RAB37: variants seen among roughly 807,000 people sequenced by gnomAD.
RAB37 encodes ras-related protein Rab-37.
In RAB37, 29 loss-of-function variants were observed where a neutral mutation model predicts 33.1. The observed-to-expected ratio is 0.88, with a 90% CI of 0.65 to 1.20. The LOEUF (loss-of-function observed/expected upper bound fraction) is 1.20. Ranked by LOEUF, RAB37 falls within the 50% of genes most tolerant of loss-of-function variation. The probability of loss-of-function intolerance (pLI) is 0.00; values close to 1 mark genes in which losing one functional copy is unlikely to be tolerated. For missense variants in RAB37, 299 were observed against 301.1 expected (o/e 0.99, Z 0.05); for synonymous variants, 128 against 119.5 (o/e 1.07, Z -0.47).
chr17:74,698,842 T>A (rs555130289), intron 1 of RAB37, among the ~76,000 whole-genome samples: 1 of 152,310 alleles, frequency 6.6e-6, no homozygotes, highest in Non-Finnish European at 1.5e-5. Flanking sequence ...AACAAATCTG[T>A]ACGTGTACCC....
intron 1 of RAB37, among the ~76,000 whole-genome samples, chr17:74,675,967 A>G (rs1598176077): frequency 6.6e-6 from 1 of 152,240 alleles, no homozygotes; most frequent in South Asian, 2.1e-4. Context: ...GTGCAGCTAA[A>G]TAATTTAAAA....
intron 1 of RAB37, among the ~76,000 whole-genome samples, chr17:74,711,906 CTT>C (rs71361629): frequency 0.065 from 7,965 of 123,168 alleles, 152 homozygotes; most frequent in East Asian, 0.15. Flanking sequence ...TTTCTTTTTT[CTT>C]TTTTTTTTTT....
chr17:74,746,894 TA>T lies in RAB37; in HGVS notation c.*1487del, dbSNP rs1167660011. The T allele has an allele frequency of 6.6e-6, 1 of 151,982 alleles. No individual in the cohort carries two copies. The highest frequency in any genetic ancestry group is 1.9e-4 in the East Asian group (1 of 5,180). The allele number at this position is 151,982 out of a possible 1,614,324, so 9.4% of individuals were successfully genotyped here. A position where few individuals can be genotyped will look rare whatever the true frequency, so the allele number is the denominator to read the frequency against. On this transcript the variant is annotated 3_prime_UTR_variant, in exon 9 of 9. Coordinates refer to ENST00000392613, the MANE Select transcript of RAB37 (RefSeq NM_001006638.3). This position sits in a 1 kb window ranked among gnomAD's most constrained non-coding sequence, Gnocchi z 5.2. ...CCGAGTTAAACCAATGCAATATGAG[TA>T]AAACAAAGTCATGTGGGTATGTCTG...
chr17:74,732,023 C>A (rs377424492), intron 2 of RAB37, among the ~76,000 whole-genome samples: 117 of 139,782 alleles, frequency 8.4e-4, no homozygotes, highest in African/African-American at 1.4e-3. Flanking sequence ...ACAACAACAA[C>A]AAAAAAAAAA....
chr17:74,733,502 G>T (rs62084908), upstream of RAB37, among the ~76,000 whole-genome samples: 25 of 37,472 alleles, frequency 6.7e-4, no homozygotes, highest in African/African-American at 1.4e-3. Flanking sequence ...TGTGATTTGA[G>T]GTGTGTGTGG....
intron 1 of RAB37, among the ~76,000 whole-genome samples, chr17:74,680,962 G>A (rs991281332): frequency 1.3e-5 from 2 of 152,186 alleles, no homozygotes; most frequent in African/African-American, 4.8e-5. Flanking sequence ...CTGTTCACAT[G>A]CTCCCCTTGA....
At position 74,730,018 on chromosome 17, in the gene RAB37, C is replaced by T. The variant is rs965485046; in HGVS notation, c.183+652C>T. On this transcript the variant is annotated intron_variant, in intron 2 of 7. Transcript: ENST00000340415. The surrounding 1 kb of genome is among the most constrained non-coding windows in gnomAD (Gnocchi z 4.4). The stretch of plus-strand genomic sequence containing the variant: ...GCTCGGGTTAAGGAAGCCCAGTGCC[C>T]TCGGCTTTTTCTGCCCGCAGCCCCT... Among the ~76,000 whole-genome samples, 1 of 152,136 alleles carries T rather than the reference C, an allele frequency of 6.6e-6. No homozygotes were observed. Among genetic ancestry groups the T allele is most frequent in the Non-Finnish European group, 1.5e-5 (1 of 68,022 alleles).
intron 1 of RAB37, chr17:74,672,816 A>G (rs1598172974): frequency 1.3e-5 from 2 of 152,352 alleles, no homozygotes; most frequent in Admixed American, 6.5e-5. Context: ...CTGAATCTGC[A>G]TTTTAACAAG....
intron 1 of RAB37, among the ~76,000 whole-genome samples, chr17:74,689,909 C>T (rs759803193): frequency 3.3e-5 from 5 of 152,084 alleles, no homozygotes; most frequent in Non-Finnish European, 5.9e-5. Flanking sequence ...CAATGATATG[C>T]ACATAGTTCT....
chr17:74,731,900 C>T (rs1025982619), intron 2 of RAB37, among the ~76,000 whole-genome samples: 2 of 152,010 alleles, frequency 1.3e-5, no homozygotes, highest in Admixed American at 6.6e-5. Context: ...ATCCCAGCTA[C>T]TTGGGAGGCT....
intron 1 of RAB37, among the ~76,000 whole-genome samples, chr17:74,675,217 AT>A (rs2031800546): frequency 6.6e-6 from 1 of 152,068 alleles, no homozygotes; most frequent in Non-Finnish European, 1.5e-5. Context: ...AGGATGAATC[AT>A]GAGGTCAGGA....
chr17:74,694,826 A>G, intron 1 of RAB37: 2 of 347,692 alleles, frequency 5.8e-6, no homozygotes, highest in Non-Finnish European at 1.0e-5. Flanking sequence ...TCTCATTATC[A>G]TCTTCATCAT....
intron 1 of RAB37, chr17:74,704,445 G>T: frequency 1.4e-6 from 2 of 1,470,426 alleles, no homozygotes; most frequent in Non-Finnish European, 9.4e-7. Context: ...AGCAGGCCCT[G>T]AGAGACACAC....
At chr17:74,680,675 C>T (rs1032958507) in intron 1 of RAB37, among the ~76,000 whole-genome samples, 1 of 152,066 alleles carries the variant, frequency 6.6e-6, no homozygotes, top group African/African-American at 2.4e-5. Flanking sequence ...CTGCCTTGGG[C>T]CGGACAGTCA....
intron 1 of RAB37, among the ~76,000 whole-genome samples, chr17:74,725,523 G>A (rs966879135): frequency 1.3e-5 from 2 of 152,134 alleles, no homozygotes; most frequent in African/African-American, 4.8e-5. Context: ...GCCTAAGGGA[G>A]GTCCTAGGTT....
upstream of RAB37, among the ~76,000 whole-genome samples, chr17:74,735,399 G>C (rs574223390): frequency 1.3e-5 from 2 of 152,318 alleles, no homozygotes; most frequent in South Asian, 2.1e-4. Context: ...AGCCAGGCGT[G>C]GTGGCGTGCA....
intron 1 of RAB37, among the ~76,000 whole-genome samples, chr17:74,697,233 G>A (rs190216645): frequency 4.6e-5 from 7 of 152,140 alleles, no homozygotes; most frequent in East Asian, 3.9e-4. Context: ...CATGAGCCAC[G>A]ACACCCAGAG....
At chr17:74,715,051 G>A (rs1288177431) in intron 1 of RAB37, among the ~76,000 whole-genome samples, 1 of 152,236 alleles carries the variant, frequency 6.6e-6, no homozygotes, top group Non-Finnish European at 1.5e-5. Flanking sequence ...GAACACAGGA[G>A]GTGGAGATTG....
intron 5 of RAB37, 53 bp downstream of exon 5, chr17:74,743,393 A>G: frequency 1.9e-6 from 3 of 1,590,902 alleles, no homozygotes; most frequent in East Asian, 2.2e-5. Flanking sequence ...GGCAAGGTCT[A>G]TGCAGGCTGG....
Sources: gnomAD v4.1 joint callset for allele counts (sites outside exome capture counted in the v4.1 genomes callset) on GRCh38, gnomAD v4.1.1 for gene constraint, Gnocchi (gnomAD v3.1) non-coding constraint, MANE v1.5 for transcripts, NCBI Gene and HGNC (gene_info 2026-07-23, HGNC 2026-07-21) for gene names.